HECW2: variants seen among roughly 807,000 people sequenced by gnomAD.
HECW2 encodes the protein HECT, C2 and WW domain containing E3 ubiquitin protein ligase 2.
Under a neutral mutation model 175.2 loss-of-function variants are expected in HECW2, and 61 were observed. That is an observed-to-expected ratio of 0.35 (90% CI 0.28 to 0.43). The LOEUF (loss-of-function observed/expected upper bound fraction) is 0.43. Among genes scored for constraint, HECW2 ranks in the 20% least tolerant of loss-of-function variants. HECW2 has a pLI of 1.00. For missense variants in HECW2, 1,524 were observed against 2,000.5 expected (o/e 0.76, Z 4.54); for synonymous variants, 671 against 731.0 (o/e 0.92, Z 1.32).
chr2:196,368,192 C>G (rs13386663), intron 2 of HECW2, among the ~76,000 whole-genome samples: 49,989 of 151,764 alleles, frequency 0.33, 10,826 homozygotes, highest in African/African-American at 0.62. Context: ...TTAGGAACTT[C>G]CAAACTGTTT....
At chr2:196,580,714 G>A (rs139211079) in intron 1 of HECW2, among the ~76,000 whole-genome samples, 1 of 149,114 alleles carries the variant, frequency 6.7e-6, no homozygotes, top group East Asian at 1.9e-4. Flanking sequence ...ACATCGATTA[G>A]AATATAAAAT....
chr2:196,380,707 C>T (rs772184587), intron 2 of HECW2, among the ~76,000 whole-genome samples: 31 of 152,188 alleles, frequency 2.0e-4, no homozygotes, highest in Non-Finnish European at 3.1e-4. Flanking sequence ...GCTCCAAACC[C>T]ATTCTGCTGC....
At chr2:196,397,164 G>A (rs1020701848) in intron 2 of HECW2, among the ~76,000 whole-genome samples, 1 of 151,854 alleles carries the variant, frequency 6.6e-6, no homozygotes, top group Non-Finnish European at 1.5e-5. Flanking sequence ...ATAAAAAACC[G>A]TCTTTGGGAA....
At chr2:196,440,108 T>C (rs986694679) in intron 1 of HECW2, among the ~76,000 whole-genome samples, 1 of 152,110 alleles carries the variant, frequency 6.6e-6, no homozygotes, top group Non-Finnish European at 1.5e-5. Flanking sequence ...ATGCAATATA[T>C]CCAAGTAAAT....
chr2:196,397,144 A>C (rs960412147), intron 2 of HECW2, among the ~76,000 whole-genome samples: 2 of 150,898 alleles, frequency 1.3e-5, no homozygotes, highest in African/African-American at 2.5e-5. Context: ...CAAAAAAAAA[A>C]AAAACAAAAA....
intron 28 of HECW2, among the ~76,000 whole-genome samples, chr2:196,214,298 T>C (rs1471604497): frequency 6.6e-6 from 1 of 152,186 alleles, no homozygotes; most frequent in Non-Finnish European, 1.5e-5. Flanking sequence ...TCTCTACCCA[T>C]CAGGTTTGGT....
At chr2:196,473,763 A>G (rs1277610402) in intron 1 of HECW2, among the ~76,000 whole-genome samples, 1 of 152,228 alleles carries the variant, frequency 6.6e-6, no homozygotes, top group Non-Finnish European at 1.5e-5. Flanking sequence ...GAAAAAGATA[A>G]TAAATCACTT....
At chr2:196,362,601 A>C (rs1559068149) in intron 2 of HECW2, among the ~76,000 whole-genome samples, 1 of 152,202 alleles carries the variant, frequency 6.6e-6, no homozygotes. Context: ...AAAAGGACTA[A>C]AGCTTTTTCA....
Position 196,217,067 on chromosome 2 carries a change from G to A in HECW2, c.4435C>T (p.Arg1479Trp), listed in dbSNP as rs766697827. The change falls in exon 27 of 29, where the codon CGG becomes TGG. Residue 1479 changes from arginine to tryptophan, a missense_variant. Arg to Trp is a moderately radical substitution (Grantham distance 101). This residue lies in a region of HECW2 where 134 missense variants were observed against 287.8 expected (regional missense o/e 0.47). Transcript: ENST00000644978. ...CTTTCCACTGCAGCCCAGAACCACC[G>A]AATTACAATATGATTGTCATGGTAT... is the stretch of plus-strand genomic sequence containing the variant. ...GGYHDNHIVI[R>W]WFWAAVERFN... 1.8e-5 allele frequency: 28 copies of A among 1,574,618 alleles called. No homozygotes were observed. Among genetic ancestry groups the A allele is most frequent in the East Asian group, 2.4e-5 (1 of 41,140 alleles).
At chr2:196,498,657 T>A (rs1475980134) in intron 1 of HECW2, among the ~76,000 whole-genome samples, 1 of 152,176 alleles carries the variant, frequency 6.6e-6, no homozygotes, top group Non-Finnish European at 1.5e-5. Context: ...ATCACCTTTG[T>A]AAAACTAATG....
At chr2:196,407,685 C>A (rs771731708) in intron 2 of HECW2, among the ~76,000 whole-genome samples, 1 of 152,204 alleles carries the variant, frequency 6.6e-6, no homozygotes, top group African/African-American at 2.4e-5. Flanking sequence ...GTGCTCTTCC[C>A]ACTAAGTCTA....
chr2:196,214,537 A>T (rs1010014943), intron 28 of HECW2, among the ~76,000 whole-genome samples: 1 of 152,202 alleles, frequency 6.6e-6, no homozygotes, highest in African/African-American at 2.4e-5. Context: ...AAAACTCATT[A>T]TCCAAGCATA....
At chr2:196,287,096 T>A (rs1307548735) in intron 14 of HECW2, among the ~76,000 whole-genome samples, 2 of 152,232 alleles carry the variant, frequency 1.3e-5, no homozygotes, top group Admixed American at 6.5e-5. Context: ...TACAAATATT[T>A]GTTCTGTTCT....
intron 1 of HECW2, among the ~76,000 whole-genome samples, chr2:196,485,111 C>T (rs1022239231): frequency 4.6e-5 from 7 of 152,094 alleles, no homozygotes; most frequent in Admixed American, 3.9e-4. Context: ...AATAACTCCC[C>T]ACTTTCTTAA....
intron 1 of HECW2, among the ~76,000 whole-genome samples, chr2:196,574,335 C>T (rs527510982): frequency 6.6e-6 from 1 of 151,838 alleles, no homozygotes; most frequent in South Asian, 2.1e-4. Flanking sequence ...GAGGCTGAGG[C>T]AGGAGAATTG....
At chr2:196,527,943 A>G (rs905800685) in intron 1 of HECW2, among the ~76,000 whole-genome samples, 5 of 152,332 alleles carry the variant, frequency 3.3e-5, no homozygotes, top group South Asian at 2.1e-4. Flanking sequence ...TTATTTCCAC[A>G]TTTTAAAAAT....
chr2:196,541,513 C>T (rs1000655178), intron 1 of HECW2, among the ~76,000 whole-genome samples: 9 of 152,046 alleles, frequency 5.9e-5, no homozygotes, highest in Non-Finnish European at 1.0e-4. Flanking sequence ...GCCTTTAAGT[C>T]CTTTTACTAA....
At chr2:196,337,366 T>C (rs911682604) in intron 3 of HECW2, among the ~76,000 whole-genome samples, 3 of 149,602 alleles carry the variant, frequency 2.0e-5, no homozygotes, top group Admixed American at 6.7e-5. Flanking sequence ...CAAAGGCAGG[T>C]GGAAGTAAGC....
At chr2:196,444,817 C>T (rs536371024) in intron 1 of HECW2, among the ~76,000 whole-genome samples, 26 of 152,168 alleles carry the variant, frequency 1.7e-4, no homozygotes, top group Non-Finnish European at 3.5e-4. Context: ...GCAAGGAAGG[C>T]ACAGATTTCA....
Sources: gnomAD v4.1 joint callset for allele counts (sites outside exome capture counted in the v4.1 genomes callset) on GRCh38, gnomAD v4.1.1 for gene constraint, gnomAD v4.1.1 regional missense constraint, MANE v1.5 for transcripts, NCBI Gene and HGNC (gene_info 2026-07-23, HGNC 2026-07-21) for gene names.